BIRC6: variants seen among roughly 807,000 people sequenced by gnomAD.
The protein encoded by BIRC6 is dual E2 ubiquitin-conjugating enzyme/E3 ubiquitin-protein ligase BIRC6.
A neutral mutation model predicts 503.3 loss-of-function variants in BIRC6; 98 were observed. The observed-to-expected ratio is 0.19, with a 90% CI of 0.17 to 0.23. The LOEUF is 0.23. BIRC6 is among the 10% of genes least tolerant of loss of function. The pLI is 1.00. For synonymous variants in BIRC6, 2,240 were observed against 2,078.7 expected (o/e 1.08, Z -2.11); for missense variants, 5,360 against 5,806.0 (o/e 0.92, Z 2.50).
Position 32,491,850 on chromosome 2 carries a change from G to A in BIRC6, c.8340+292G>A, listed in dbSNP as rs1040597915. On this transcript the variant is annotated intron_variant, in intron 44 of 73. Coordinates refer to ENST00000421745, the MANE Select transcript of BIRC6 (RefSeq NM_016252.4). Reference sequence around the variant, plus strand: ...GAGTAAATACTGCAAAGGTAGAGAAGCATTTCAAAAATTTTGGAATCAATA... The same window carrying A: ...GAGTAAATACTGCAAAGGTAGAGAAACATTTCAAAAATTTTGGAATCAATA... Among the ~76,000 whole-genome samples, 10 of 152,110 alleles carry A rather than the reference G, an allele frequency of 6.6e-5. No homozygotes were observed. In the East Asian group the frequency reaches 1.4e-3, roughly 21 times the overall value.
At chr2:32,483,427 T>TTTTTG (rs2050641732) in intron 39 of BIRC6, among the ~76,000 whole-genome samples, 1 of 152,216 alleles carries the variant, frequency 6.6e-6, no homozygotes, top group Non-Finnish European at 1.5e-5. Flanking sequence ...TTTGATGTCA[T>TTTTTG]TTTTGTTTTG....
intron 22 of BIRC6, among the ~76,000 whole-genome samples, chr2:32,452,961 G>T (rs2046874060): frequency 6.6e-6 from 1 of 151,860 alleles, no homozygotes; most frequent in Non-Finnish European, 1.5e-5. Context: ...TCTTGTGTTT[G>T]ATAGTCCTTC....
At position 32,515,615 on chromosome 2, in the gene BIRC6, G is replaced by T. The variant is rs1245185899; in HGVS notation, c.11194G>T (p.Gly3732Cys). ...GTCCACTTCTGGAAGCCATAATTTAGGTGCACAACAGACCAGTGCAAGATC... is the reference window on the plus strand; with the variant it reads ...GTCCACTTCTGGAAGCCATAATTTATGTGCACAACAGACCAGTGCAAGATC... ...SGSTSGSHNL[G>C]AQQTSARSAS... is the part of the protein sequence containing the mutation. The change falls in exon 55 of 74, where the codon GGT becomes TGT. Residue 3732 changes from glycine (G) to cysteine (C), a missense_variant. Around this residue, in one of 16 missense-constraint regions of BIRC6, gnomAD observed 878 missense variants for 928.9 expected, o/e 0.95. Transcript: ENST00000421745. 6.2e-7 allele frequency: 1 copy of T among 1,613,448 alleles called. No homozygotes were observed. Among genetic ancestry groups the T allele is most frequent in the East Asian group, 2.2e-5 (1 of 44,872 alleles).
At chr2:32,403,488 A>G (rs1210852901) in intron 8 of BIRC6, among the ~76,000 whole-genome samples, 3 of 152,198 alleles carry the variant, frequency 2.0e-5, no homozygotes, top group Non-Finnish European at 4.4e-5. Flanking sequence ...TGTCTTCTGA[A>G]TTAAGGAAGA....
chr2:32,491,892 A>G (rs552831114), intron 44 of BIRC6, among the ~76,000 whole-genome samples: 20 of 152,236 alleles, frequency 1.3e-4, no homozygotes, highest in Non-Finnish European at 2.6e-4. Context: ...AATATGTCAT[A>G]TTTGATTACT....
chr2:32,415,086 G>A lies in BIRC6; in HGVS notation c.1795G>A (p.Gly599Ser). ...RSLDGLSRTQ[G>S]ESISEQGSTD... Reference sequence around the variant, plus strand: ...ACTGGATGGTTTAAGCAGAACTCAGGGTGAAAGTATATCAGAACAAGGGTC... The same window carrying A: ...ACTGGATGGTTTAAGCAGAACTCAGAGTGAAAGTATATCAGAACAAGGGTC... The change falls in exon 10 of 74, where the codon GGT becomes AGT. Residue 599 changes from glycine (G) to serine (S), a missense_variant. Transcript: ENST00000421745. The A allele has an allele frequency of 6.2e-7, 1 of 1,613,850 alleles. No individual in the cohort carries two copies. Among genetic ancestry groups the A allele is most frequent in the Non-Finnish European group, 8.5e-7 (1 of 1,179,830 alleles).
At chr2:32,548,809 C>G (rs985106628) in intron 64 of BIRC6, 1 of 152,078 alleles carries the variant, frequency 6.6e-6, no homozygotes, top group Non-Finnish European at 1.5e-5. Flanking sequence ...AAATAAATAA[C>G]TTTTCTAGAT....
chr2:32,451,520 C>T (rs978251633), intron 22 of BIRC6, among the ~76,000 whole-genome samples: 6 of 151,994 alleles, frequency 3.9e-5, no homozygotes, highest in African/African-American at 1.2e-4. Flanking sequence ...TTTAAAATGC[C>T]CTTGACGTTG....
At chr2:32,383,584 T>A (rs2038009519) in intron 3 of BIRC6, among the ~76,000 whole-genome samples, 1 of 152,272 alleles carries the variant, frequency 6.6e-6, no homozygotes, top group East Asian at 1.9e-4. Context: ...TCACCCAGGC[T>A]GGAGTGCAGT....
chr2:32,544,545 A>C (rs1280184840), intron 62 of BIRC6, among the ~76,000 whole-genome samples: 1 of 150,666 alleles, frequency 6.6e-6, no homozygotes, highest in Non-Finnish European at 1.5e-5. Flanking sequence ...TTTATTAGAA[A>C]ATTAATATTC....
rs763277144 is a variant in BIRC6, at chr2:32,478,645, G to T, written c.7079G>T (p.Arg2360Leu). 1 of 1,610,128 alleles carries T rather than the reference G, an allele frequency of 6.2e-7. No individual in the cohort carries two copies. Among genetic ancestry groups the T allele is most frequent in the African/African-American group, 1.3e-5 (1 of 74,826 alleles). Residue 2360 changes from arginine to leucine, a missense_variant, in exon 36 of 74, where the codon CGC becomes CTC. By Grantham distance (102) the Arg-to-Leu change is moderately radical (BLOSUM62 -2). Coordinates refer to ENST00000421745, the MANE Select transcript of BIRC6 (RefSeq NM_016252.4). Reference sequence around the variant, plus strand: ...TAAAATGTATTACAGGTTCTTGCACGCATTGCAAATGCCACGAGGCCAACT... The same window carrying T: ...TAAAATGTATTACAGGTTCTTGCACTCATTGCAAATGCCACGAGGCCAACT... ...LLLFVCKVLARIANATRPTIH... is the reference protein window; with the variant it reads ...LLLFVCKVLALIANATRPTIH...
chr2:32,549,220 G>A, intron 64 of BIRC6, 93 bp from the exon 65 acceptor site: 1 of 828,426 alleles, frequency 1.2e-6, no homozygotes, highest in Non-Finnish European at 1.7e-6. Context: ...TAGAAAATAT[G>A]TACTCTTAGT....
intron 1 of BIRC6, among the ~76,000 whole-genome samples, chr2:32,360,582 C>T (rs562720615): frequency 1.3e-5 from 2 of 152,298 alleles, no homozygotes; most frequent in African/African-American, 4.8e-5. Context: ...CACCAATTCG[C>T]TCCAGTCATT....
At chr2:32,469,973 C>G (rs1461005155) in intron 30 of BIRC6, among the ~76,000 whole-genome samples, 195 bp from the exon 31 acceptor site, 2 of 152,034 alleles carry the variant, frequency 1.3e-5, no homozygotes. Flanking sequence ...AAAATGTAAC[C>G]AGTAGTTAGA....
intron 54 of BIRC6, 115 bp from the exon 55 acceptor site, chr2:32,514,875 A>G (rs1279798084): frequency 9.3e-6 from 7 of 749,024 alleles, no homozygotes; most frequent in Non-Finnish European, 1.5e-5. Context: ...TTATTATTCA[A>G]TGTCAAATAA....
chr2:32,525,681 A>G (rs2056206361), intron 59 of BIRC6, 53 bp downstream of exon 59: 2 of 1,536,602 alleles, frequency 1.3e-6, no homozygotes, highest in African/African-American at 2.8e-5. Flanking sequence ...CCTTAAAACT[A>G]TGTAAATCAG....
intron 33 of BIRC6, 45 bp downstream of exon 33, chr2:32,473,284 G>A: frequency 2.1e-6 from 3 of 1,455,340 alleles, no homozygotes; most frequent in South Asian, 2.7e-5. Flanking sequence ...TGAGAATATT[G>A]TTTTGGAGTT....
chr2:32,554,667 A>G (rs1253002566), intron 65 of BIRC6, among the ~76,000 whole-genome samples: 2 of 152,186 alleles, frequency 1.3e-5, no homozygotes, highest in Non-Finnish European at 2.9e-5. Context: ...ATAACAAACT[A>G]TAATGTGTCA....
chr2:32,427,232 T>C (rs1198670579), intron 10 of BIRC6, among the ~76,000 whole-genome samples: 1 of 152,134 alleles, frequency 6.6e-6, no homozygotes, highest in African/African-American at 2.4e-5. Context: ...ATGTATGTTC[T>C]TAATATTTTA....
Sources: allele counts gnomAD v4.1 joint callset (sites outside exome capture counted in the v4.1 genomes callset), GRCh38; gene constraint gnomAD v4.1.1; regional missense constraint gnomAD v4.1.1; transcripts MANE v1.5; gene names NCBI Gene and HGNC (gene_info 2026-07-23, HGNC 2026-07-21).